The following SPOCK3 variants were observed in gnomAD, a reference collection of about 807,000 sequenced individuals.
SPOCK3 encodes the protein testican-3.
Under a neutral mutation model 56.6 loss-of-function variants are expected in SPOCK3, and 30 were observed. The observed-to-expected ratio is 0.53, with a 90% CI of 0.40 to 0.72. The LOEUF is 0.72. Among genes scored for constraint, SPOCK3 ranks in the 30% least tolerant of loss-of-function variants. The pLI, the probability that SPOCK3 is intolerant of heterozygous loss-of-function variation, is 0.00. For synonymous variants in SPOCK3, 196 were observed against 183.3 expected (o/e 1.07, Z -0.56); for missense variants, 527 against 530.0 (o/e 0.99, Z 0.06).
chr4:166,764,603 G>T (rs903929225), intron 7 of SPOCK3, among the ~76,000 whole-genome samples: 2 of 152,064 alleles, frequency 1.3e-5, no homozygotes, highest in African/African-American at 4.8e-5. Context: ...TGGACATTTG[G>T]GTTGGTTCCA....
chr4:167,084,556 T>G (rs535837054), intron 2 of SPOCK3, among the ~76,000 whole-genome samples: 1 of 152,240 alleles, frequency 6.6e-6, no homozygotes, highest in Admixed American at 6.6e-5. Context: ...CTTATGTATG[T>G]GGAGTGTAGC....
chr4:166,925,499 T>C (rs1738992089), intron 4 of SPOCK3, among the ~76,000 whole-genome samples: 1 of 152,110 alleles, frequency 6.6e-6, no homozygotes, highest in African/African-American at 2.4e-5. Context: ...ACCATTGAAA[T>C]TTGGGGGTAA....
intron 4 of SPOCK3, among the ~76,000 whole-genome samples, chr4:166,939,032 C>T (rs1160769493): frequency 2.6e-5 from 4 of 151,560 alleles, no homozygotes; most frequent in Admixed American, 2.0e-4. Context: ...TATGTTTGTA[C>T]GTATTATAAT....
chr4:166,950,364 T>A (rs1480749646), intron 4 of SPOCK3, among the ~76,000 whole-genome samples: 1 of 151,320 alleles, frequency 6.6e-6, no homozygotes, highest in African/African-American at 2.5e-5. Flanking sequence ...GGTAAAGGGA[T>A]CAATTCAACA....
intron 4 of SPOCK3, among the ~76,000 whole-genome samples, chr4:166,965,402 T>G (rs13123663): frequency 0.15 from 22,749 of 151,192 alleles, 2,170 homozygotes; most frequent in African/African-American, 0.28. Context: ...GTTTTTTTTT[T>G]TTTGTTTCTG....
At chr4:167,047,038 T>C (rs1211689040) in intron 3 of SPOCK3, among the ~76,000 whole-genome samples, 4 of 152,136 alleles carry the variant, frequency 2.6e-5, no homozygotes, top group Non-Finnish European at 5.9e-5. Context: ...TGCTAGGACT[T>C]TGACGAGCTT....
At chr4:166,919,397 G>C (rs1738237860) in intron 4 of SPOCK3, among the ~76,000 whole-genome samples, 1 of 152,172 alleles carries the variant, frequency 6.6e-6, no homozygotes, top group Admixed American at 6.6e-5. Flanking sequence ...TCAAGTAAAT[G>C]ATTTTTTAAG....
chr4:167,187,814 A>G (rs1732135131), intron 2 of SPOCK3, among the ~76,000 whole-genome samples: 1 of 152,148 alleles, frequency 6.6e-6, no homozygotes, highest in Admixed American at 6.5e-5. Context: ...CATTATTCTG[A>G]CACCATTAAT....
intron 9 of SPOCK3, among the ~76,000 whole-genome samples, chr4:166,741,121 C>G (rs2318483): frequency 0.051 from 7,739 of 152,148 alleles, 224 homozygotes; most frequent in Non-Finnish European, 0.056. Context: ...ATTAAATACA[C>G]GAGTGTGTTA....
intron 6 of SPOCK3, among the ~76,000 whole-genome samples, chr4:166,816,859 C>T (rs1186799945): frequency 6.6e-6 from 1 of 151,972 alleles, no homozygotes; most frequent in African/African-American, 2.4e-5. Flanking sequence ...AAACTTAGCC[C>T]AGAGGTCGAG....
At chr4:166,860,802 C>CATATATATACATAT (rs1553989681) in intron 6 of SPOCK3, among the ~76,000 whole-genome samples, 24 of 101,940 alleles carry the variant, frequency 2.4e-4, no homozygotes, top group East Asian at 1.3e-3. Flanking sequence ...CACACAAATT[C>CATATATATACATAT]ATATATATAT....
intron 2 of SPOCK3, among the ~76,000 whole-genome samples, chr4:167,159,625 G>A (rs2150435880): frequency 6.6e-6 from 1 of 152,166 alleles, no homozygotes; most frequent in East Asian, 1.9e-4. Context: ...GATGAACATT[G>A]ATGCAAAAAT....
chr4:167,181,776 TC>T (rs1731477543), intron 2 of SPOCK3, among the ~76,000 whole-genome samples: 1 of 152,166 alleles, frequency 6.6e-6, no homozygotes, highest in Non-Finnish European at 1.5e-5. Context: ...TGCAGAGAGG[TC>T]TTTTTTGACC....
intron 2 of SPOCK3, among the ~76,000 whole-genome samples, chr4:167,126,564 A>G (rs555134995): frequency 2.1e-4 from 32 of 152,054 alleles, no homozygotes; most frequent in Admixed American, 3.9e-4. Context: ...ACAAACAAAA[A>G]AAGTTCATTG....
At chr4:166,974,427 A>C (rs1745722965) in intron 4 of SPOCK3, among the ~76,000 whole-genome samples, 2 of 152,200 alleles carry the variant, frequency 1.3e-5, no homozygotes, top group South Asian at 4.1e-4. Context: ...TTTACAGTCA[A>C]ATAATCCATG....
At chr4:166,981,773 T>C (rs1213652897) in intron 4 of SPOCK3, among the ~76,000 whole-genome samples, 1 of 152,022 alleles carries the variant, frequency 6.6e-6, no homozygotes, top group Non-Finnish European at 1.5e-5. Context: ...CATGGCACCC[T>C]GGCAGTCTAC....
chr4:166,969,143 G>A (rs1398807238), intron 4 of SPOCK3, among the ~76,000 whole-genome samples: 1 of 152,182 alleles, frequency 6.6e-6, no homozygotes, highest in East Asian at 1.9e-4. Flanking sequence ...TATCTTGGAA[G>A]TAATTAATAT....
intron 7 of SPOCK3, among the ~76,000 whole-genome samples, chr4:166,764,330 T>A (rs1423329258): frequency 1.3e-5 from 2 of 152,064 alleles, no homozygotes; most frequent in African/African-American, 4.8e-5. Context: ...CCTAATGCTT[T>A]CCCTCCCCCC....
chr4:166,961,901 C>T (rs1003584600), intron 4 of SPOCK3, among the ~76,000 whole-genome samples: 2 of 152,078 alleles, frequency 1.3e-5, no homozygotes, highest in South Asian at 2.1e-4. Flanking sequence ...CATTCCTATT[C>T]CAGTTTCTGT....
Sources: gnomAD v4.1 joint callset for allele counts (sites outside exome capture counted in the v4.1 genomes callset) on GRCh38, gnomAD v4.1.1 for gene constraint, MANE v1.5 for transcripts, NCBI Gene and HGNC (gene_info 2026-07-23, HGNC 2026-07-21) for gene names.